KIFC3: variants seen among roughly 807,000 people sequenced by gnomAD.
KIFC3 encodes the protein kinesin family member C3.
In KIFC3, 60 loss-of-function variants were observed where a neutral mutation model predicts 101.8. That is an observed-to-expected ratio of 0.59 (90% CI 0.48 to 0.73). KIFC3 has a LOEUF of 0.73. Among genes scored for constraint, KIFC3 ranks in the 30% least tolerant of loss-of-function variants. The probability of loss-of-function intolerance (pLI) is 0.00; values close to 1 mark genes in which losing one functional copy is unlikely to be tolerated. For missense variants in KIFC3, 966 were observed against 1,137.1 expected (o/e 0.85, Z 2.16); for synonymous variants, 476 against 482.7 (o/e 0.99, Z 0.18).
intron 3 of KIFC3, among the ~76,000 whole-genome samples, chr16:57,780,807 T>A (rs961238154): frequency 6.6e-6 from 1 of 150,708 alleles, no homozygotes; most frequent in African/African-American, 2.4e-5. Context: ...CCCTAGTAGC[T>A]GGACTTACAG....
Position 57,772,258 on chromosome 16 carries a change from G to A in KIFC3, c.346C>T (p.Gln116Ter). The A allele has an allele frequency of 1.2e-6, 2 of 1,613,856 alleles. No individual in the cohort carries two copies. Among genetic ancestry groups the A allele is most frequent in the Non-Finnish European group, 1.7e-6 (2 of 1,179,872 alleles). ...CGCAGTCGGCTCACTTCCTGGGCCT[G>A]GCTAATGAGCTTCTCCTTCAGGTGT... Reference protein sequence around the residue: ...VEHLKEKLISQAQEVSRLRSE... With the variant: ...VEHLKEKLIS Residue 116 changes from glutamine to a stop codon, truncating the protein, a stop_gained, in exon 4 of 20, where the codon CAG becomes TAG. Coordinates refer to ENST00000445690, the MANE Select transcript of KIFC3 (RefSeq NM_001130100.2). LOFTEE classifies it high-confidence loss of function.
intron 3 of KIFC3, chr16:57,785,402 A>C (rs782211223): frequency 1.9e-6 from 2 of 1,057,274 alleles, no homozygotes; most frequent in African/African-American, 3.3e-5. Flanking sequence ...TGCCCAGGTG[A>C]TGTCCTCTGA....
At position 57,765,320 on chromosome 16, in the gene KIFC3, A is replaced by G. The variant is rs549352440; in HGVS notation, c.1512+139T>C. 450 of 820,070 alleles carry G rather than the reference A, an allele frequency of 5.5e-4. 3 individuals carry two copies. In the Admixed American group the frequency reaches 0.012, roughly 21 times the overall value. The allele number at this position is 820,070 out of a possible 1,614,324, so 50.8% of individuals were successfully genotyped here. Reference sequence around the variant, plus strand: ...CCCTCTTCTGTCCTCCAGAGGAAGGAGCAGGACCCTGGCTCCCCACTTCTG... The same window carrying G: ...CCCTCTTCTGTCCTCCAGAGGAAGGGGCAGGACCCTGGCTCCCCACTTCTG... On this transcript the variant is annotated intron_variant, in intron 11 of 19. Coordinates refer to ENST00000445690, the MANE Select transcript of KIFC3 (RefSeq NM_001130100.2).
intron 10 of KIFC3, among the ~76,000 whole-genome samples, chr16:57,766,408 A>C (rs1449383269): frequency 6.6e-6 from 1 of 152,178 alleles, no homozygotes; most frequent in East Asian, 1.9e-4. Flanking sequence ...ATCATTGTTG[A>C]TTCTCACACT....
intron 3 of KIFC3, among the ~76,000 whole-genome samples, chr16:57,790,498 A>G (rs1379639821): frequency 2.0e-5 from 3 of 151,946 alleles, no homozygotes; most frequent in Admixed American, 2.0e-4. Flanking sequence ...CACTCTTTTA[A>G]AAGTGCTCAG....
intron 1 of KIFC3, among the ~76,000 whole-genome samples, chr16:57,846,062 A>T (rs1164138785): frequency 6.6e-6 from 1 of 152,186 alleles, no homozygotes; most frequent in African/African-American, 2.4e-5. Flanking sequence ...ATGAGGGAAG[A>T]GTAGACAAGG....
At chr16:57,784,389 G>A (rs186300423) in intron 3 of KIFC3, among the ~76,000 whole-genome samples, 15 of 152,338 alleles carry the variant, frequency 9.8e-5, no homozygotes, top group Admixed American at 3.3e-4. Context: ...TCAGCAAGGG[G>A]CAGGTGGGCA....
chr16:57,765,765 T>G, intron 10 of KIFC3, 125 bp from the exon 11 acceptor site: 1 of 811,702 alleles, frequency 1.2e-6, no homozygotes, highest in Non-Finnish European at 1.9e-6. Flanking sequence ...CACAGCCCCC[T>G]AGGGGAAGGG....
chr16:57,853,313 G>A (rs1462329277), intron 1 of KIFC3, among the ~76,000 whole-genome samples: 1 of 152,006 alleles, frequency 6.6e-6, no homozygotes, highest in Non-Finnish European at 1.5e-5. Flanking sequence ...CAGCTACCTG[G>A]ACGGCTGGGG....
chr16:57,775,076 CCCACCAG>C (rs1166564893), intron 3 of KIFC3: 1 of 1,503,568 alleles, frequency 6.7e-7, no homozygotes, highest in African/African-American at 1.4e-5. Context: ...AGGCGGGATA[CCCACCAG>C]CCACCTGCCT....
At chr16:57,767,479 C>T (rs1462510673) in intron 9 of KIFC3, among the ~76,000 whole-genome samples, 4 of 152,198 alleles carry the variant, frequency 2.6e-5, no homozygotes, top group Non-Finnish European at 5.9e-5. Flanking sequence ...TCACACTGTA[C>T]ACAAATCACA....
chr16:57,821,774 A>G (rs2055355913), intron 1 of KIFC3, among the ~76,000 whole-genome samples: 1 of 152,168 alleles, frequency 6.6e-6, no homozygotes, highest in African/African-American at 2.4e-5. Flanking sequence ...TTGTGTGGGC[A>G]TTGTGGCTCA....
At chr16:57,798,450 A>C in intron 1 of KIFC3, 168 bp from the exon 2 acceptor site, 1 of 640,436 alleles carries the variant, frequency 1.6e-6, no homozygotes, top group Non-Finnish European at 2.7e-6. Flanking sequence ...CGCAGGATGA[A>C]ATGGGGCCTG....
At chr16:57,778,235 A>G (rs1005901424) in intron 3 of KIFC3, among the ~76,000 whole-genome samples, 11 of 152,164 alleles carry the variant, frequency 7.2e-5, no homozygotes, top group African/African-American at 2.7e-4. Context: ...AGCCATGACT[A>G]TACCACCACA....
At chr16:57,858,002 G>A (rs1349804676) in intron 1 of KIFC3, among the ~76,000 whole-genome samples, 1 of 151,814 alleles carries the variant, frequency 6.6e-6, no homozygotes, top group Non-Finnish European at 1.5e-5. Flanking sequence ...ATTTTTAGTA[G>A]AGATGGAGTT....
intron 3 of KIFC3, 109 bp downstream of exon 3, chr16:57,794,890 G>A: frequency 9.6e-7 from 1 of 1,042,728 alleles, no homozygotes. Context: ...TGCGAGGTGG[G>A]TCCCCGGCTC....
chr16:57,788,483 CAG>C, intron 3 of KIFC3: 1 of 1,139,122 alleles, frequency 8.8e-7, no homozygotes, highest in Non-Finnish European at 1.1e-6. Flanking sequence ...CCGGGGAGGA[CAG>C]GGCATGGGGA....
chr16:57,771,750 G>A (rs1395688794), intron 4 of KIFC3, 64 bp from the exon 5 acceptor site: 6 of 1,543,944 alleles, frequency 3.9e-6, no homozygotes, highest in Non-Finnish European at 5.3e-6. Context: ...AAAGAAGAGA[G>A]GCCCGCGGAG....
chr16:57,804,285 C>T (rs2054881870), upstream of KIFC3, among the ~76,000 whole-genome samples: 1 of 152,136 alleles, frequency 6.6e-6, no homozygotes, highest in Non-Finnish European at 1.5e-5. Context: ...GTGTCAGGCA[C>T]AGCACTAAGC....
Sources: gnomAD v4.1 joint callset for allele counts (sites outside exome capture counted in the v4.1 genomes callset) on GRCh38, gnomAD v4.1.1 for gene constraint, MANE v1.5 for transcripts, NCBI Gene and HGNC (gene_info 2026-07-23, HGNC 2026-07-21) for gene names.